The following AAK1 variants were observed in gnomAD, a reference collection of about 807,000 sequenced individuals.
The protein encoded by AAK1 is AP2-associated protein kinase 1.
AAK1 carries 37 observed loss-of-function variants against 116.0 expected under a neutral mutation model. That is an observed-to-expected ratio of 0.32 (90% CI 0.25 to 0.42). The LOEUF (loss-of-function observed/expected upper bound fraction) is 0.42, where lower values mean the gene tolerates loss of function less well. Ranked by LOEUF, AAK1 falls within the 10% of genes least tolerant of loss-of-function variation. The pLI, the probability that AAK1 is intolerant of heterozygous loss-of-function variation, is 1.00. For missense variants in AAK1, 919 were observed against 1,170.6 expected (o/e 0.79, Z 3.14); for synonymous variants, 458 against 439.9 (o/e 1.04, Z -0.51).
At chr2:69,527,529 T>C (rs535299213) in intron 8 of AAK1, among the ~76,000 whole-genome samples, 2 of 152,258 alleles carry the variant, frequency 1.3e-5, no homozygotes, top group South Asian at 2.1e-4. Flanking sequence ...AAATAAAATA[T>C]ATAGATTGTA....
At chr2:69,545,497 C>T (rs1252030620) in intron 3 of AAK1, among the ~76,000 whole-genome samples, 1 of 152,142 alleles carries the variant, frequency 6.6e-6, no homozygotes, top group Admixed American at 6.5e-5. Context: ...CATGTGGTCC[C>T]CTGAGAGTCA....
intron 2 of AAK1, among the ~76,000 whole-genome samples, chr2:69,601,921 C>CAGAT (rs1673598248): frequency 6.6e-6 from 1 of 152,182 alleles, no homozygotes; most frequent in Non-Finnish European, 1.5e-5. Flanking sequence ...AGAAGCCTGG[C>CAGAT]AGATACCAGT....
chr2:69,617,657 A>C (rs1162543047), intron 2 of AAK1, among the ~76,000 whole-genome samples: 1 of 152,226 alleles, frequency 6.6e-6, no homozygotes, highest in Non-Finnish European at 1.5e-5. Flanking sequence ...TATGTGCCAC[A>C]TGCTTGAGTG....
At chr2:69,575,423 T>A (rs1487786913) in intron 2 of AAK1, among the ~76,000 whole-genome samples, 5 of 151,548 alleles carry the variant, frequency 3.3e-5, no homozygotes, top group Admixed American at 3.3e-4. Flanking sequence ...CAATATTTTT[T>A]AAAAATTGAA....
At chr2:69,543,701 C>T (rs1224600591) in intron 4 of AAK1, among the ~76,000 whole-genome samples, 1 of 152,148 alleles carries the variant, frequency 6.6e-6, no homozygotes, top group East Asian at 1.9e-4. Context: ...CCACCGCGCC[C>T]GGCCTATGGA....
intron 2 of AAK1, among the ~76,000 whole-genome samples, 200 bp downstream of exon 2, chr2:69,642,678 A>C (rs910332099): frequency 6.6e-6 from 1 of 152,170 alleles, no homozygotes; most frequent in African/African-American, 2.4e-5. Flanking sequence ...CAATTTCGGC[A>C]ACCTCCCCAC....
chr2:69,635,329 T>C (rs1675398714), intron 2 of AAK1, among the ~76,000 whole-genome samples: 2 of 152,208 alleles, frequency 1.3e-5, no homozygotes, highest in Admixed American at 1.3e-4. Flanking sequence ...ACTGGAACCT[T>C]TGTGCACTGT....
intron 2 of AAK1, among the ~76,000 whole-genome samples, chr2:69,600,854 T>A (rs1673543891): frequency 6.6e-6 from 1 of 152,338 alleles, no homozygotes; most frequent in East Asian, 1.9e-4. Flanking sequence ...ATTGTTGTCT[T>A]ATTTTAAGAA....
At chr2:69,553,638 TC>T (rs1671273899) in intron 3 of AAK1, among the ~76,000 whole-genome samples, 1 of 151,772 alleles carries the variant, frequency 6.6e-6, no homozygotes. Flanking sequence ...GACAAGGGTT[TC>T]CACCATGTTG....
intron 2 of AAK1, among the ~76,000 whole-genome samples, chr2:69,638,876 T>C (rs944459594): frequency 3.9e-5 from 6 of 152,326 alleles, no homozygotes; most frequent in African/African-American, 1.4e-4. Context: ...ATCTCAGGTG[T>C]TGAGCTCTGT....
chr2:69,461,665 G>A lies in AAK1; in HGVS notation c.*14204C>T, dbSNP rs780005625. 2.3e-6 allele frequency: 1 copy of A among 435,676 alleles called. No individual in the cohort carries two copies. The highest frequency in any genetic ancestry group is 1.6e-5 in the South Asian group (1 of 62,218). 27.0% of individuals were successfully genotyped at this position (435,676 alleles called of 1,614,324 possible). On this transcript the variant is annotated 3_prime_UTR_variant, in exon 22 of 22. Coordinates refer to ENST00000409085, the MANE Select transcript of AAK1 (RefSeq NM_014911.5). ...GCTGGAGTGCAATGACACAATCTTG[G>A]CTCACTGCAAAGTCTGCCTCCCTGG...
intron 7 of AAK1, 91 bp downstream of exon 7, chr2:69,530,534 C>A (rs1156711789): frequency 1.1e-5 from 12 of 1,070,122 alleles, no homozygotes; most frequent in Non-Finnish European, 1.7e-5. Context: ...GTACAGTAGC[C>A]ACCATGCTAT....
rs537969045 is a variant in AAK1 at position 69,538,872 on chromosome 2, A to C, written c.534+3651T>G. 1.2e-4 allele frequency among the ~76,000 whole-genome samples: 18 copies of C among 152,028 alleles called. No individual in the cohort carries two copies. The South Asian group carries it at 3.5e-3, about 30-fold the overall frequency. ...ACTACAGCCTGGGCAAGAGAGCAAGACTTCATCTCAAAAAAAAACAAAAAA... is the reference window on the plus strand; with the variant it reads ...ACTACAGCCTGGGCAAGAGAGCAAGCCTTCATCTCAAAAAAAAACAAAAAA... On this transcript the variant is annotated intron_variant, in intron 5 of 21. Transcript: ENST00000409085.
intron 17 of AAK1, among the ~76,000 whole-genome samples, chr2:69,490,318 A>T (rs1260522361): frequency 6.6e-6 from 1 of 152,180 alleles, no homozygotes; most frequent in Non-Finnish European, 1.5e-5. Context: ...TATATACCCA[A>T]GAGAATTGAA....
Position 69,466,168 on chromosome 2 carries a change from G to C in AAK1, c.*9701C>G. ...TCAGTGGCTGGCTGTGTGAAGGCTT[G>C]AAACTGGTTCTTTCTTCCACCTTGC... On this transcript the variant is annotated 3_prime_UTR_variant, in exon 22 of 22. Transcript: ENST00000409085. 6 of 1,290,060 alleles carry C rather than the reference G, an allele frequency of 4.7e-6. No individual in the cohort carries two copies. The highest frequency in any genetic ancestry group is 6.1e-6 in the Non-Finnish European group (6 of 988,866). The allele number at this position is 1,290,060 out of a possible 1,614,324, so 79.9% of individuals were successfully genotyped here. A position where few individuals can be genotyped will look rare whatever the true frequency, so the allele number is the denominator to read the frequency against.
rs1674577348 is a variant in AAK1, at chr2:69,468,770, A to G, written c.*7099T>C. The G allele has an allele frequency of 1.0e-6, 1 of 985,450 alleles. No homozygotes were observed. The highest frequency in any genetic ancestry group is 1.2e-6 in the Non-Finnish European group (1 of 829,942). 61.0% of individuals were successfully genotyped at this position (985,450 alleles called of 1,614,324 possible). A position where few individuals can be genotyped will look rare whatever the true frequency, so the allele number is the denominator to read the frequency against. ...GATTACATTTTGAGAACTAGGAAGT[A>G]CCAAGGGGTGTGTGTATGTGCCCAT... is the stretch of plus-strand genomic sequence containing the variant. On this transcript the variant is annotated 3_prime_UTR_variant, in exon 22 of 22. Coordinates refer to ENST00000409085, the MANE Select transcript of AAK1 (RefSeq NM_014911.5).
intron 10 of AAK1, among the ~76,000 whole-genome samples, chr2:69,523,221 T>C (rs1350535074): frequency 6.6e-6 from 1 of 152,198 alleles, no homozygotes; most frequent in Non-Finnish European, 1.5e-5. Context: ...CATATCATGT[T>C]TGAGCCTAGT....
intron 6 of AAK1, 110 bp downstream of exon 6, chr2:69,531,931 C>A (rs1670276321): frequency 6.7e-7 from 1 of 1,492,490 alleles, no homozygotes; most frequent in Non-Finnish European, 9.2e-7. Flanking sequence ...AGATGAAGGA[C>A]AACTGACTAT....
intron 16 of AAK1, among the ~76,000 whole-genome samples, chr2:69,496,635 C>T (rs756995093): frequency 1.6e-4 from 25 of 152,120 alleles, no homozygotes; most frequent in Admixed American, 3.9e-4. Context: ...GTCTGAAATT[C>T]CACTCCTTTC....
Sources: gnomAD v4.1 joint callset for allele counts (sites outside exome capture counted in the v4.1 genomes callset) on GRCh38, gnomAD v4.1.1 for gene constraint, MANE v1.5 for transcripts, NCBI Gene and HGNC (gene_info 2026-07-23, HGNC 2026-07-21) for gene names.